Variants in DNTTIP1 observed in about 807,000 individuals in gnomAD.
DNTTIP1 encodes the protein deoxynucleotidyltransferase terminal-interacting protein 1.
Under a neutral mutation model 52.9 loss-of-function variants are expected in DNTTIP1, and 22 were observed. The observed-to-expected ratio is 0.42, with a 90% CI of 0.30 to 0.59. The LOEUF is 0.59. DNTTIP1 is among the 20% of genes least tolerant of loss of function. The pLI is 0.22. For missense variants in DNTTIP1, 286 were observed against 435.5 expected (o/e 0.66, Z 3.06); for synonymous variants, 136 against 155.1 (o/e 0.88, Z 0.92).
At chr20:45,808,404 C>T (rs1279891299) in intron 10 of DNTTIP1, among the ~76,000 whole-genome samples, 2 of 151,906 alleles carry the variant, frequency 1.3e-5, no homozygotes, top group African/African-American at 2.4e-5. Context: ...ACTTTGGGAG[C>T]CCGAGGTGGG....
rs1278525451 is a variant in DNTTIP1, at chr20:45,800,691, AAAAATATATATATATATATATATATAT to A, written c.373-381_373-355del. On this transcript the variant is annotated intron_variant, in intron 4 of 12. Coordinates refer to ENST00000372622, the MANE Select transcript of DNTTIP1 (RefSeq NM_052951.3). ...CTCCATCTCAATTTAAAAAAAAAAA[AAAAATATATATATATATATATATATAT>A]ATATATATATATATATATATATATA... Among the ~76,000 whole-genome samples, 12 of 57,102 alleles carry A rather than the reference AAAAATATATATATATATATATATATAT, an allele frequency of 2.1e-4. 3 individuals are homozygous for A. The highest frequency in any genetic ancestry group is 6.1e-4 in the South Asian group (1 of 1,652). 37.5% of individuals were successfully genotyped at this position (57,102 alleles called of 152,430 possible).
chr20:45,805,017 T>A (rs1163253778), intron 8 of DNTTIP1, 129 bp from the exon 9 acceptor site: 2 of 810,516 alleles, frequency 2.5e-6, no homozygotes, highest in African/African-American at 1.7e-5. Flanking sequence ...GAGTACTCAG[T>A]GTCTTGGGTC....
At chr20:45,799,740 A>G (rs1340849903) in intron 4 of DNTTIP1, among the ~76,000 whole-genome samples, 1 of 152,006 alleles carries the variant, frequency 6.6e-6, no homozygotes, top group Non-Finnish European at 1.5e-5. Context: ...ACAAACTATA[A>G]GCTCCACAAG....
At chr20:45,792,437 T>TA (rs1244438022) in intron 1 of DNTTIP1, 12 of 496,404 alleles carry the variant, frequency 2.4e-5, no homozygotes, top group Non-Finnish European at 3.9e-5. Context: ...CCTCGGTAAA[T>TA]ACTGCTTCCC....
Position 45,811,245 on chromosome 20 carries a change from C to A in DNTTIP1, c.*50C>A. On this transcript the variant is annotated 3_prime_UTR_variant, in exon 13 of 13. Transcript: ENST00000372622. Reference sequence around the variant, plus strand: ...GCAGCCCTCCTCCAAAGCCCTCTTCCTCACGTGGCTGAGGCCACCGCTGGG... The same window carrying A: ...GCAGCCCTCCTCCAAAGCCCTCTTCATCACGTGGCTGAGGCCACCGCTGGG... The A allele has an allele frequency of 1.3e-6, 2 of 1,557,298 alleles. No individual in the cohort carries two copies. Among genetic ancestry groups the A allele is most frequent in the Non-Finnish European group, 1.7e-6 (2 of 1,156,032 alleles).
At chr20:45,793,361 C>T (rs544991597) in intron 2 of DNTTIP1, among the ~76,000 whole-genome samples, 99 of 147,368 alleles carry the variant, frequency 6.7e-4, no homozygotes, top group African/African-American at 2.5e-3. Flanking sequence ...TCGGGACTTC[C>T]AGAACAGCCT....
chr20:45,807,731 G>A (rs112828575), intron 10 of DNTTIP1, among the ~76,000 whole-genome samples: 1 of 152,020 alleles, frequency 6.6e-6, no homozygotes, highest in Non-Finnish European at 1.5e-5. Context: ...CGGGTCACCT[G>A]AGGTCAGGAG....
At chr20:45,804,212 A>C (rs949504547) in intron 8 of DNTTIP1, among the ~76,000 whole-genome samples, 38 of 152,240 alleles carry the variant, frequency 2.5e-4, no homozygotes, top group African/African-American at 8.9e-4. Context: ...TGAAATTAGA[A>C]TCTTTCCTCA....
In DNTTIP1 at chr20:45,805,378, C is replaced by T. The variant is rs755068320; in HGVS notation, c.723+12C>T. ...CACACCTCTTTAAGGTAGGTGACTG[C>T]TGGGAGGAAAGCAGGCCATTGCATT... is the stretch of plus-strand genomic sequence containing the variant. On this transcript the variant is annotated intron_variant, in intron 10 of 12. Transcript: ENST00000372622. 2 of 1,613,402 alleles carry T rather than the reference C, an allele frequency of 1.2e-6. No individual in the cohort carries two copies. Among genetic ancestry groups the T allele is most frequent in the Admixed American group, 1.7e-5 (1 of 59,918 alleles).
At position 45,809,660 on chromosome 20, in the gene DNTTIP1, G is replaced by A. The variant is rs399672; in HGVS notation, c.795+475G>A. 0.71 allele frequency among the ~76,000 whole-genome samples: 107,999 copies of A among 152,116 alleles called. 38,494 individuals are homozygous for A. Among genetic ancestry groups the A allele is most frequent in the Admixed American group, 0.77 (11,727 of 15,294 alleles). On this transcript the variant is annotated intron_variant, in intron 11 of 12. Coordinates refer to ENST00000372622, the MANE Select transcript of DNTTIP1 (RefSeq NM_052951.3). The surrounding 1 kb of genome is among the most constrained non-coding windows in gnomAD (Gnocchi z 4.2). Reference sequence around the variant, plus strand: ...GCCCCTTCCAGATTTACCTCTACTTGAAGAGTTCTCAGATCATATGAAACA... The same window carrying A: ...GCCCCTTCCAGATTTACCTCTACTTAAAGAGTTCTCAGATCATATGAAACA...
At chr20:45,795,481 T>G in intron 4 of DNTTIP1, 38 bp downstream of exon 4, 1 of 1,307,566 alleles carries the variant, frequency 7.6e-7, no homozygotes, top group Non-Finnish European at 1.1e-6. Flanking sequence ...GGCACAAGGT[T>G]TAGCTCTCGA....
chr20:45,791,965 G>A lies in DNTTIP1; in HGVS notation c.-40G>A, dbSNP rs753172412. The A allele has an allele frequency of 1.0e-5, 12 of 1,202,036 alleles. No individual in the cohort carries two copies. Among genetic ancestry groups the A allele is most frequent in the African/African-American group, 1.6e-5 (1 of 64,078 alleles). 74.5% of individuals were successfully genotyped at this position (1,202,036 alleles called of 1,614,324 possible). A position where few individuals can be genotyped will look rare whatever the true frequency, so the allele number is the denominator to read the frequency against. ...GACGTCACGGCGCCACTTTCCGGCC[G>A]GTGACAGAGTCCAGCGGAGTTGTGG... On this transcript the variant is annotated 5_prime_UTR_variant, in exon 1 of 13. Transcript: ENST00000372622.
Position 45,792,025 on chromosome 20 carries a change from C to A in DNTTIP1, c.21C>A (p.Ala7=). The A allele has an allele frequency of 3.9e-6, 5 of 1,270,956 alleles. No individual in the cohort carries two copies. The highest frequency in any genetic ancestry group is 5.0e-6 in the Non-Finnish European group (5 of 1,007,420). The allele number at this position is 1,270,956 out of a possible 1,614,324, so 78.7% of individuals were successfully genotyped here. A position where few individuals can be genotyped will look rare whatever the true frequency, so the allele number is the denominator to read the frequency against. MGATGD[A]EQPRGPSGAE... is the part of the protein sequence containing the mutation. The stretch of plus-strand genomic sequence containing the variant: ...GCGCCATGGGAGCCACTGGCGACGC[C>A]GAGCAGCCGCGGGGACCTAGCGGGG... The change falls in exon 1 of 13, where the codon GCC becomes GCA. Residue 7 remains alanine, a synonymous_variant. Coordinates refer to ENST00000372622, the MANE Select transcript of DNTTIP1 (RefSeq NM_052951.3).
chr20:45,792,027 A>C lies in DNTTIP1; in HGVS notation c.23A>C (p.Glu8Ala). The part of the protein sequence containing the change: MGATGDA[E>A]QPRGPSGAER... ...GCCATGGGAGCCACTGGCGACGCCG[A>C]GCAGCCGCGGGGACCTAGCGGGGCC... Residue 8 changes from glutamate (E) to alanine (A), a missense_variant, in exon 1 of 13, where the codon GAG becomes GCG. By Grantham distance (107) the Glu-to-Ala change is moderately radical. This residue lies in a region of DNTTIP1 where 208 missense variants were observed against 266.5 expected (regional missense o/e 0.78). Transcript: ENST00000372622. 7.9e-7 allele frequency: 1 copy of C among 1,272,544 alleles called. No homozygotes were observed. The highest frequency in any genetic ancestry group is 9.9e-7 in the Non-Finnish European group (1 of 1,008,192). 78.8% of individuals were successfully genotyped at this position (1,272,544 alleles called of 1,614,324 possible).
intron 2 of DNTTIP1, among the ~76,000 whole-genome samples, 200 bp from the exon 3 acceptor site, chr20:45,793,721 A>C (rs1219851918): frequency 2.0e-5 from 3 of 152,212 alleles, no homozygotes; most frequent in Admixed American, 2.0e-4. Flanking sequence ...CTTTGAAAAT[A>C]ATATGCACTT....
chr20:45,796,507 A>G, intron 4 of DNTTIP1: 1 of 471,096 alleles, frequency 2.1e-6, no homozygotes, highest in Non-Finnish European at 4.4e-6. Flanking sequence ...CATGGGGATG[A>G]GCACCCTGCT....
chr20:45,796,550 A>C, intron 4 of DNTTIP1: 1 of 471,206 alleles, frequency 2.1e-6, no homozygotes, highest in Non-Finnish European at 4.4e-6. Flanking sequence ...GTCAGGAAGC[A>C]TGACATCAGG....
intron 4 of DNTTIP1, among the ~76,000 whole-genome samples, chr20:45,800,809 C>T (rs1488390865): frequency 1.4e-5 from 2 of 141,824 alleles, no homozygotes; most frequent in Non-Finnish European, 3.0e-5. Context: ...GCCTGTCCAA[C>T]ATGGTGAAAT....
intron 8 of DNTTIP1, among the ~76,000 whole-genome samples, chr20:45,804,761 C>A (rs1044245455): frequency 2.6e-5 from 4 of 152,128 alleles, no homozygotes; most frequent in Non-Finnish European, 4.4e-5. Flanking sequence ...TTGTTCCTGA[C>A]CCCCTTTACC....
Sources: gnomAD v4.1 joint callset for allele counts (sites outside exome capture counted in the v4.1 genomes callset) on GRCh38, gnomAD v4.1.1 for gene constraint, gnomAD v4.1.1 regional missense constraint, Gnocchi (gnomAD v3.1) non-coding constraint, MANE v1.5 for transcripts, NCBI Gene and HGNC (gene_info 2026-07-23, HGNC 2026-07-21) for gene names.